GPC6: variants seen among roughly 807,000 people sequenced by gnomAD.
The protein encoded by GPC6 is glypican-6.
A neutral mutation model predicts 55.2 loss-of-function variants in GPC6; 14 were observed. The ratio of observed to expected loss-of-function variants is 0.25; its 90% CI spans 0.17 to 0.40. The LOEUF is 0.40. Among genes scored for constraint, GPC6 ranks in the 10% least tolerant of loss-of-function variants. The pLI, the probability that GPC6 is intolerant of heterozygous loss-of-function variation, is 1.00. For synonymous variants in GPC6, 278 were observed against 259.6 expected, an observed-to-expected ratio of 1.07 and a Z score of -0.68; for missense variants, 641 against 708.5, an observed-to-expected ratio of 0.90 and a Z score of 1.08.
At chr13:93,386,412 A>G (rs1233967998) in intron 1 of GPC6, among the ~76,000 whole-genome samples, 2 of 152,180 alleles carry the variant, frequency 1.3e-5, no homozygotes, top group Non-Finnish European at 1.5e-5. Flanking sequence ...AATAAAATTT[A>G]TGGAAGAAGC....
chr13:93,756,452 T>C (rs1317646949), intron 2 of GPC6, among the ~76,000 whole-genome samples: 1 of 152,158 alleles, frequency 6.6e-6, no homozygotes. Context: ...GAGCTAGCTT[T>C]CTTGTGGTGA....
chr13:93,333,521 A>C (rs1879927076), intron 1 of GPC6, among the ~76,000 whole-genome samples: 2 of 148,170 alleles, frequency 1.3e-5, no homozygotes, highest in Non-Finnish European at 3.0e-5. Context: ...GCATATAAAA[A>C]TGCTATTGAA....
chr13:93,854,681 A>C (rs1403591395), intron 3 of GPC6, among the ~76,000 whole-genome samples: 1 of 151,790 alleles, frequency 6.6e-6, no homozygotes, highest in Non-Finnish European at 1.5e-5. Context: ...GAGTATTCTT[A>C]TCCATTAATC....
intron 2 of GPC6, among the ~76,000 whole-genome samples, chr13:93,744,528 C>CTGT (rs1783517910): frequency 1.0e-5 from 1 of 97,208 alleles, no homozygotes; most frequent in Admixed American, 1.2e-4. Flanking sequence ...TTTCCCTAGT[C>CTGT]TTTTTTTTTT....
intron 3 of GPC6, among the ~76,000 whole-genome samples, chr13:93,924,312 A>G (rs1032118812): frequency 3.9e-5 from 6 of 152,200 alleles, no homozygotes; most frequent in African/African-American, 1.4e-4. Context: ...CCCCTCTGTC[A>G]CATGCCGAGG....
intron 3 of GPC6, among the ~76,000 whole-genome samples, chr13:93,944,613 C>A (rs1224293923): frequency 1.3e-5 from 2 of 152,092 alleles, no homozygotes; most frequent in Non-Finnish European, 2.9e-5. Context: ...AAAAGAAATC[C>A]CAATCACATG....
intron 1 of GPC6, among the ~76,000 whole-genome samples, chr13:93,372,338 C>A (rs1364140150): frequency 6.6e-6 from 1 of 152,122 alleles, no homozygotes; most frequent in Non-Finnish European, 1.5e-5. Flanking sequence ...CTGTTACAAA[C>A]CAGTCTCTCT....
chr13:93,305,822 T>C (rs1432595236), intron 1 of GPC6, among the ~76,000 whole-genome samples: 1 of 152,234 alleles, frequency 6.6e-6, no homozygotes, highest in African/African-American at 2.4e-5. Flanking sequence ...TATCAAGCAA[T>C]CTGCTTTCCA....
In GPC6 at chr13:93,304,648, C is replaced by G. The variant is rs145391667; in HGVS notation, c.160+77032C>G. ...TAATGACACAAAGACAGATTTCATTCGAGGTACTGCAGAACGGAAGAGGGA... is the reference window on the plus strand; with the variant it reads ...TAATGACACAAAGACAGATTTCATTGGAGGTACTGCAGAACGGAAGAGGGA... On this transcript the variant is annotated intron_variant, in intron 1 of 8. Coordinates refer to ENST00000377047, the MANE Select transcript of GPC6 (RefSeq NM_005708.5). Among the ~76,000 whole-genome samples, 57 of 152,300 alleles carry G rather than the reference C, an allele frequency of 3.7e-4. 1 individual carries two copies. The East Asian group carries it at 9.3e-3, about 25-fold the overall frequency.
intron 2 of GPC6, among the ~76,000 whole-genome samples, chr13:93,716,743 T>C (rs2138816556): frequency 6.6e-6 from 1 of 151,690 alleles, no homozygotes; most frequent in African/African-American, 2.4e-5. Context: ...GTGTTTATAG[T>C]TTACAGTAGT....
At position 93,960,809 on chromosome 13, in the gene GPC6, T is replaced by TTTTC. The variant is rs67653686; in HGVS notation, c.712-66917_712-66916insCTTT. Among the ~76,000 whole-genome samples, 507 of 147,224 alleles carry TTTTC rather than the reference T, an allele frequency of 3.4e-3. 4 individuals are homozygous for TTTTC. The highest frequency in any genetic ancestry group is 0.012 in the African/African-American group (490 of 39,450). On this transcript the variant is annotated intron_variant, in intron 3 of 8. Coordinates refer to ENST00000377047, the MANE Select transcript of GPC6 (RefSeq NM_005708.5). ...ACCAGTTTATTGCTGGAATTTTTTT[T>TTTTC]TTTTTCTTTTTTTTTTTTTTTGAGA...
rs542435566 is a variant in GPC6, at chr13:94,258,862, G to A, written c.878-27487G>A. ...CATCTTTCTGTTCTGGTATCCTCAG[G>A]CTAGGTTACCATCATGCCTGCAAAA... is the stretch of plus-strand genomic sequence containing the variant. On this transcript the variant is annotated intron_variant, in intron 4 of 8. Coordinates refer to ENST00000377047, the MANE Select transcript of GPC6 (RefSeq NM_005708.5). Among the ~76,000 whole-genome samples the A allele has an allele frequency of 2.6e-4, 40 of 152,278 alleles. No individual in the cohort carries two copies. The South Asian group carries it at 4.8e-3, about 18-fold the overall frequency.
At chr13:94,383,162 T>G (rs1880247750) in intron 7 of GPC6, among the ~76,000 whole-genome samples, 2 of 152,272 alleles carry the variant, frequency 1.3e-5, no homozygotes, top group South Asian at 4.1e-4. Context: ...ATTTGTTGAT[T>G]CAGCCCAGAA....
At chr13:93,401,577 A>G (rs1876079511) in intron 1 of GPC6, among the ~76,000 whole-genome samples, 1 of 151,496 alleles carries the variant, frequency 6.6e-6, no homozygotes, top group Non-Finnish European at 1.5e-5. Context: ...TCTCTTACAC[A>G]GTGTGATTAG....
At chr13:94,325,926 C>T (rs542090740) in intron 6 of GPC6, among the ~76,000 whole-genome samples, 6 of 152,276 alleles carry the variant, frequency 3.9e-5, no homozygotes, top group Admixed American at 1.3e-4. Context: ...CCCTCAAAGA[C>T]GCTCCTTCGT....
At chr13:93,635,738 A>G (rs1879663499) in intron 2 of GPC6, among the ~76,000 whole-genome samples, 2 of 152,198 alleles carry the variant, frequency 1.3e-5, no homozygotes, top group African/African-American at 4.8e-5. Context: ...ACGTTACTTC[A>G]GTTTTGATAT....
intron 4 of GPC6, among the ~76,000 whole-genome samples, chr13:94,061,956 T>C (rs1457763487): frequency 6.6e-6 from 1 of 152,176 alleles, no homozygotes; most frequent in Non-Finnish European, 1.5e-5. Flanking sequence ...TGCTGGGTAC[T>C]GGCAAATCTC....
chr13:93,801,732 G>A (rs892447937), intron 2 of GPC6, among the ~76,000 whole-genome samples: 6 of 152,134 alleles, frequency 3.9e-5, no homozygotes, highest in Non-Finnish European at 7.4e-5. Flanking sequence ...TTATTGAAGG[G>A]TCCAATTGGG....
chr13:93,371,528 C>G (rs1010161141), intron 1 of GPC6, among the ~76,000 whole-genome samples: 1 of 151,998 alleles, frequency 6.6e-6, no homozygotes, highest in Non-Finnish European at 1.5e-5. Flanking sequence ...AGCAATGGAC[C>G]ATTTCAGTCT....
Sources: gnomAD v4.1 joint callset for allele counts (sites outside exome capture counted in the v4.1 genomes callset) on GRCh38, gnomAD v4.1.1 for gene constraint, MANE v1.5 for transcripts, NCBI Gene and HGNC (gene_info 2026-07-23, HGNC 2026-07-21) for gene names.